The following ACOX3 variants were observed in gnomAD, a reference collection of about 807,000 sequenced individuals.
ACOX3 encodes acyl-CoA oxidase 3, pristanoyl.
ACOX3 carries 73 observed loss-of-function variants against 81.5 expected under a neutral mutation model. That is an observed-to-expected ratio of 0.90 (90% CI 0.74 to 1.09). The LOEUF is 1.09. ACOX3 is among the 50% of genes least tolerant of loss of function. The probability of loss-of-function intolerance (pLI) is 0.00; values close to 1 mark genes in which losing one functional copy is unlikely to be tolerated. For missense variants in ACOX3, 947 were observed against 928.0 expected, an observed-to-expected ratio of 1.02 and a Z score of -0.27; for synonymous variants, 387 against 375.1, an observed-to-expected ratio of 1.03 and a Z score of -0.37.
At position 8,370,350 on chromosome 4, in the gene ACOX3, G is replaced by A. The variant is rs1716017185; in HGVS notation, c.1983+558C>T. ...GGCTGGTGGAGGCTCCCTCAGGGGG[G>A]CGGCCTGACCCCATCTGCTATGAAG... On this transcript the variant is annotated intron_variant, in intron 17 of 17. Coordinates refer to ENST00000356406, the MANE Select transcript of ACOX3 (RefSeq NM_003501.3). The surrounding 1 kb of genome is among the most constrained non-coding windows in gnomAD (Gnocchi z 6.3). 6.6e-6 allele frequency among the ~76,000 whole-genome samples: 1 copy of A among 152,040 alleles called. No homozygotes were observed. The highest frequency in any genetic ancestry group is 1.5e-5 in the Non-Finnish European group (1 of 67,986).
intron 1 of ACOX3, among the ~76,000 whole-genome samples, chr4:8,434,910 T>C (rs1053679000): frequency 2.0e-5 from 3 of 152,246 alleles, no homozygotes; most frequent in Non-Finnish European, 2.9e-5. Context: ...TGGTTTTAGT[T>C]TTGATTTTCC....
chr4:8,440,698 G>A lies in ACOX3; in HGVS notation c.-65C>T, dbSNP rs929778714. On this transcript the variant is annotated 5_prime_UTR_variant, in exon 1 of 18. Transcript: ENST00000356406. ...GCCAGGGAAACCAAAAGCAGGAAAG[G>A]ATCTCCAGCGGCGCCATTCTCATTT... is the stretch of plus-strand genomic sequence containing the variant. The A allele has an allele frequency of 4.1e-6, 5 of 1,211,492 alleles. No individual in the cohort carries two copies. Among genetic ancestry groups the A allele is most frequent in the Middle Eastern group, 2.9e-4 (1 of 3,410 alleles). The allele number at this position is 1,211,492 out of a possible 1,614,324, so 75.0% of individuals were successfully genotyped here. A position where few individuals can be genotyped will look rare whatever the true frequency, so the allele number is the denominator to read the frequency against.
At chr4:8,396,570 G>A (rs1455151489) in intron 9 of ACOX3, among the ~76,000 whole-genome samples, 3 of 151,744 alleles carry the variant, frequency 2.0e-5, no homozygotes, top group South Asian at 2.1e-4. Flanking sequence ...CCAGCTACTC[G>A]GGAGGCTGAG....
At chr4:8,408,904 TG>T (rs1560193656) in intron 6 of ACOX3, among the ~76,000 whole-genome samples, 409 of 30,478 alleles carry the variant, frequency 0.013, 1 homozygote, top group Middle Eastern at 0.087. Context: ...GGGGGGGGGG[TG>T]GGGGGGGGGT....
intron 6 of ACOX3, among the ~76,000 whole-genome samples, chr4:8,409,688 C>T (rs959384081): frequency 9.6e-5 from 13 of 135,208 alleles, no homozygotes; most frequent in Admixed American, 6.9e-4. Flanking sequence ...GTGGGCAGAG[C>T]TGTCTGTGTG....
rs879846722 is a variant in ACOX3 at position 8,431,813 on chromosome 4, C to T, written c.-15+8835G>A. Among the ~76,000 whole-genome samples, 33 of 152,370 alleles carry T rather than the reference C, an allele frequency of 2.2e-4. No individual in the cohort carries two copies. The highest frequency in any genetic ancestry group is 4.3e-4 in the Non-Finnish European group (29 of 68,042). ...TTCTGCTCCCTTCGGCACACCGATT[C>T]CCTGCTCAGTTTTAGACCTTGGTGC... is the stretch of plus-strand genomic sequence containing the variant. On this transcript the variant is annotated intron_variant, in intron 1 of 17. Transcript: ENST00000356406. This position sits in a 1 kb window ranked among gnomAD's most constrained non-coding sequence, Gnocchi z 5.3.
intron 9 of ACOX3, among the ~76,000 whole-genome samples, chr4:8,395,383 C>T (rs969632424): frequency 6.9e-4 from 35 of 51,010 alleles, no homozygotes; most frequent in African/African-American, 2.7e-3. Context: ...TGGGGGGATG[C>T]GTGGACAGGT....
chr4:8,368,165 G>A lies in ACOX3; in HGVS notation c.1984-1085C>T, dbSNP rs1258986716. On this transcript the variant is annotated intron_variant, in intron 17 of 17. Transcript: ENST00000356406. This position sits in a 1 kb window ranked among gnomAD's most constrained non-coding sequence, Gnocchi z 5.9. ...TGGCCACCAGCAGCAGGATGCCCTC[G>A]CCGAGTGGCCCTTACTGGCTGATTT... is the stretch of plus-strand genomic sequence containing the variant. Among the ~76,000 whole-genome samples, 3 of 152,204 alleles carry A rather than the reference G, an allele frequency of 2.0e-5. No individual in the cohort carries two copies. The highest frequency in any genetic ancestry group is 2.1e-4 in the South Asian group (1 of 4,832).
In ACOX3 at chr4:8,386,924, G is replaced by T. The variant is rs557912860; in HGVS notation, c.1537+2249C>A. Among the ~76,000 whole-genome samples the T allele has an allele frequency of 5.8e-4, 89 of 152,328 alleles. No individual in the cohort carries two copies. The highest frequency in any genetic ancestry group is 1.9e-3 in the African/African-American group (80 of 41,574). On this transcript the variant is annotated intron_variant, in intron 13 of 17. Coordinates refer to ENST00000356406, the MANE Select transcript of ACOX3 (RefSeq NM_003501.3). This position sits in a 1 kb window ranked among gnomAD's most constrained non-coding sequence, Gnocchi z 5.2. ...GGGCTGCTATCACATCCACGGCGTC[G>T]GTCCTGATGGCTGGAACGCGTCCTC...
At chr4:8,373,654 G>A in intron 15 of ACOX3, 26 bp from the exon 16 acceptor site, 1 of 1,603,224 alleles carries the variant, frequency 6.2e-7, no homozygotes, top group East Asian at 2.3e-5. Context: ...CGGTCACATG[G>A]GGGCTGGGTC....
intron 7 of ACOX3, among the ~76,000 whole-genome samples, chr4:8,401,979 C>T (rs1164379739): frequency 6.6e-6 from 1 of 152,234 alleles, no homozygotes; most frequent in African/African-American, 2.4e-5. Context: ...TCTCAGCAGT[C>T]TCCCGGGGCT....
chr4:8,389,574 G>A lies in ACOX3; in HGVS notation c.1423+38C>T, dbSNP rs762070735. 5 of 1,612,218 alleles carry A rather than the reference G, an allele frequency of 3.1e-6. No homozygotes were observed. The East Asian group carries it at 1.1e-4, about 36-fold the overall frequency. ...GGAGAACCCACCCCTGCCCCAGTTG[G>A]GTTCCAGCGCCCCCACCAGTGTGCA... On this transcript the variant is annotated intron_variant, in intron 12 of 17. Coordinates refer to ENST00000356406, the MANE Select transcript of ACOX3 (RefSeq NM_003501.3). The surrounding 1 kb of genome is among the most constrained non-coding windows in gnomAD (Gnocchi z 5.3).
chr4:8,383,858 C>A (rs908252597), intron 13 of ACOX3, among the ~76,000 whole-genome samples: 7 of 152,224 alleles, frequency 4.6e-5, no homozygotes, highest in African/African-American at 1.7e-4. Context: ...TGGTCACGAA[C>A]AGCAAGGAAA....
chr4:8,377,262 C>T lies in ACOX3; in HGVS notation c.1654-2110G>A, dbSNP rs569297735. ...TGAGTGAGCCCTGTGCCCCGCACCA[C>T]TCTCCCCGTCGCCTGCACAGTTGCT... is the stretch of plus-strand genomic sequence containing the variant. On this transcript the variant is annotated intron_variant, in intron 14 of 17. Coordinates refer to ENST00000356406, the MANE Select transcript of ACOX3 (RefSeq NM_003501.3). 2.0e-5 allele frequency among the ~76,000 whole-genome samples: 3 copies of T among 152,336 alleles called. No individual in the cohort carries two copies. The South Asian group carries it at 6.2e-4, about 32-fold the overall frequency.
intron 13 of ACOX3, among the ~76,000 whole-genome samples, 183 bp downstream of exon 13, chr4:8,388,990 C>T (rs1455762043): frequency 3.3e-5 from 5 of 152,168 alleles, no homozygotes; most frequent in African/African-American, 9.7e-5. Context: ...GCGCCTAACT[C>T]GGCGTCAGGC....
In ACOX3 at chr4:8,375,015, C is replaced by A. The variant is rs1205627821; in HGVS notation, c.1791G>T (p.Leu597=). 6 of 1,549,138 alleles carry A rather than the reference C, an allele frequency of 3.9e-6. No homozygotes were observed. The South Asian group carries it at 5.9e-5, about 15-fold the overall frequency. ...GGGCCGCGTGGCGGCTCAGGGACCACAGGGCGTACAGAGCACTGAGCCGCC... is the reference window on the plus strand; with the variant it reads ...GGGCCGCGTGGCGGCTCAGGGACCAAAGGGCGTACAGAGCACTGAGCCGCC... ...VLGRLSALYA[L]WSLSRHAALL... is the part of the protein sequence containing the mutation. The change falls in exon 15 of 18, where the codon CTG becomes CTT. Residue 597 remains leucine, a synonymous_variant. Coordinates refer to ENST00000356406, the MANE Select transcript of ACOX3 (RefSeq NM_003501.3).
chr4:8,416,826 T>C lies in ACOX3; in HGVS notation c.-14-291A>G, dbSNP rs1023153771. ...GGGCAGAGGGTTTGTCAGAGTCTTG[T>C]TTTCTGTCACACAGCCTTGCCTGAG... is the stretch of plus-strand genomic sequence containing the variant. On this transcript the variant is annotated intron_variant, in intron 1 of 17. Transcript: ENST00000356406. The surrounding 1 kb of genome is among the most constrained non-coding windows in gnomAD (Gnocchi z 4.2). Among the ~76,000 whole-genome samples the C allele has an allele frequency of 1.4e-4, 21 of 152,292 alleles. No homozygotes were observed. Among genetic ancestry groups the C allele is most frequent in the Middle Eastern group, 6.8e-3 (2 of 294 alleles).
At chr4:8,377,887 T>C (rs966018985) in intron 14 of ACOX3, among the ~76,000 whole-genome samples, 5 of 152,056 alleles carry the variant, frequency 3.3e-5, no homozygotes, top group Non-Finnish European at 7.4e-5. Context: ...GCTGGCGCAC[T>C]CCAGCCGAGA....
At chr4:8,371,628 G>A (rs1267029531) in intron 16 of ACOX3, among the ~76,000 whole-genome samples, 3 of 152,272 alleles carry the variant, frequency 2.0e-5, no homozygotes, top group Non-Finnish European at 4.4e-5. Context: ...ATGGATCAAA[G>A]GCAATCAGTC....
Sources: allele counts gnomAD v4.1 joint callset (sites outside exome capture counted in the v4.1 genomes callset), GRCh38; gene constraint gnomAD v4.1.1; non-coding constraint Gnocchi (gnomAD v3.1); transcripts MANE v1.5; gene names NCBI Gene and HGNC (gene_info 2026-07-23, HGNC 2026-07-21).